VIM: variants seen among roughly 807,000 people sequenced by gnomAD.
VIM encodes the protein epididymis secretory sperm binding protein.
A neutral mutation model predicts 50.3 loss-of-function variants in VIM; 18 were observed. The observed-to-expected ratio is 0.36, with a 90% confidence interval of 0.25 to 0.53. The LOEUF (loss-of-function observed/expected upper bound fraction) is 0.53. Among genes scored for constraint, VIM ranks in the 20% least tolerant of loss-of-function variants. VIM has a pLI of 0.91. For synonymous variants in VIM, 245 were observed against 248.5 expected, an observed-to-expected ratio of 0.99 and a Z score of 0.13; for missense variants, 551 against 614.7, an observed-to-expected ratio of 0.90 and a Z score of 1.10.
chr10:17,234,869 G>T, intron 6 of VIM, 51 bp downstream of exon 6: 1 of 1,613,112 alleles, frequency 6.2e-7, no homozygotes. Flanking sequence ...CCATTCTGCT[G>T]ACTAGGCTCA....
chr10:17,234,544 T>A, intron 5 of VIM, 149 bp from the exon 6 acceptor site: 1 of 1,101,042 alleles, frequency 9.1e-7, no homozygotes, highest in African/African-American at 1.5e-5. Flanking sequence ...AATACTAATG[T>A]CAGTACTCCA....
rs1846735623 is a variant in VIM at position 17,229,322 on chromosome 10, G to C, written c.-101G>C. ...AGGTCCCCGCGCCAGAGACGCAGCC[G>C]CGCTCCCACCACCCACACCCACCGC... On this transcript the variant is annotated 5_prime_UTR_variant, in exon 2 of 10. Transcript: ENST00000544301. The C allele has an allele frequency of 2.4e-6, 3 of 1,265,814 alleles. No individual in the cohort carries two copies. The highest frequency in any genetic ancestry group is 1.5e-5 in the African/African-American group (1 of 67,130). The allele number at this position is 1,265,814 out of a possible 1,614,324, so 78.4% of individuals were successfully genotyped here.
chr10:17,234,993 CTTGCCTATATCA>C (rs1346591173), intron 6 of VIM, 164 bp from the exon 7 acceptor site: 49 of 1,199,372 alleles, frequency 4.1e-5, no homozygotes, highest in Non-Finnish European at 5.6e-5. Flanking sequence ...AAGGTTTTAG[CTTGCCTATATCA>C]TTGCTTCTAA....
Position 17,230,659 on chromosome 10 carries a change from G to A in VIM, c.573G>A (p.Glu191=). Reference sequence around the variant, plus strand: ...TGCGCAACTGTTTCAGATTGCAGGAGGAGATGCTTCAGAGAGAGGAAGCCG... The same window carrying A: ...TGCGCAACTGTTTCAGATTGCAGGAAGAGATGCTTCAGAGAGAGGAAGCCG... ...DIMRLREKLQ[E]EMLQREEAEN... The change falls in exon 3 of 10, where the codon GAG becomes GAA. Residue 191 remains glutamate (E), a synonymous_variant. Coordinates refer to ENST00000544301, the MANE Select transcript of VIM (RefSeq NM_003380.5). 1.2e-6 allele frequency: 2 copies of A among 1,614,164 alleles called. No individual in the cohort carries two copies. The highest frequency in any genetic ancestry group is 1.3e-5 in the African/African-American group (1 of 75,074).
chr10:17,235,989 A>C, intron 8 of VIM, 100 bp downstream of exon 8: 1 of 1,293,162 alleles, frequency 7.7e-7, no homozygotes, highest in Non-Finnish European at 1.1e-6. Context: ...AAAAAATGCC[A>C]TATAAGAGAA....
chr10:17,232,465 G>A (rs532719420), intron 3 of VIM, among the ~76,000 whole-genome samples: 23 of 152,318 alleles, frequency 1.5e-4, no homozygotes, highest in Middle Eastern at 3.4e-3. Flanking sequence ...AATCCTTTAT[G>A]TAGTTTCATT....
At chr10:17,235,729 T>G in intron 7 of VIM, 117 bp from the exon 8 acceptor site, 1 of 999,620 alleles carries the variant, frequency 1.0e-6, no homozygotes, top group Admixed American at 1.9e-5. Context: ...AATCTCTAGT[T>G]TATGATTTAA....
intron 9 of VIM, 75 bp downstream of exon 9, chr10:17,236,454 TC>T: frequency 2.5e-6 from 3 of 1,223,870 alleles, no homozygotes; most frequent in Non-Finnish European, 3.6e-6. Context: ...TGAATCTGAA[TC>T]TCAGATACAG....
chr10:17,233,768 A>G lies in VIM; in HGVS notation c.721-2A>G, dbSNP rs1272192480. 6.2e-7 allele frequency: 1 copy of G among 1,614,210 alleles called. No homozygotes were observed. Among genetic ancestry groups the G allele is most frequent in the Non-Finnish European group, 8.5e-7 (1 of 1,180,040 alleles). On this transcript the variant is annotated splice_acceptor_variant, in intron 4 of 9. Coordinates refer to ENST00000544301, the MANE Select transcript of VIM (RefSeq NM_003380.5). LOFTEE classifies it high-confidence loss of function. ...CTGACCGTCTGTCTGTTCTTTTTGCAGGAAATCCAGGAGCTGCAGGCTCAG... is the reference window on the plus strand; with the variant it reads ...CTGACCGTCTGTCTGTTCTTTTTGCGGGAAATCCAGGAGCTGCAGGCTCAG...
intron 2 of VIM, chr10:17,230,211 A>AGG (rs1230754677): frequency 3.3e-6 from 2 of 612,452 alleles, no homozygotes; most frequent in Non-Finnish European, 5.7e-6. Context: ...ACATTGCCCA[A>AGG]GGACGCTCCG....
Position 17,235,835 on chromosome 10 carries a change from T to C in VIM, c.1230-11T>C, listed in dbSNP as rs1292868611. ...CCAACAATTTTACTGTTTCTCTTCA[T>C]CTGTTTATAGGATTTCTCTGCCTCT... On this transcript the variant is annotated splice_polypyrimidine_tract_variant and intron_variant, in intron 7 of 9. Transcript: ENST00000544301. 15 of 1,613,414 alleles carry C rather than the reference T, an allele frequency of 9.3e-6. No individual in the cohort carries two copies. Among genetic ancestry groups the C allele is most frequent in the African/African-American group, 2.7e-5 (2 of 74,942 alleles).
chr10:17,231,335 A>G (rs1846793756), intron 3 of VIM, among the ~76,000 whole-genome samples: 1 of 145,460 alleles, frequency 6.9e-6, no homozygotes, highest in Non-Finnish European at 1.6e-5. Flanking sequence ...ACTATGCACA[A>G]CTATTTTGTG....
rs1564372335 is a variant in VIM, at chr10:17,229,647, C to T, written c.225C>T (p.Pro75=). The T allele has an allele frequency of 1.3e-6, 2 of 1,567,152 alleles. No homozygotes were observed. Among genetic ancestry groups the T allele is most frequent in the Non-Finnish European group, 8.6e-7 (1 of 1,156,090 alleles). Residue 75 remains proline (P), a synonymous_variant, in exon 2 of 10, where the codon CCC becomes CCT. Coordinates refer to ENST00000544301, the MANE Select transcript of VIM (RefSeq NM_003380.5). Reference sequence around the variant, plus strand: ...CCGTGCGCCTGCGGAGCAGCGTGCCCGGGGTGCGGCTCCTGCAGGACTCGG... The same window carrying T: ...CCGTGCGCCTGCGGAGCAGCGTGCCTGGGGTGCGGCTCCTGCAGGACTCGG... ...SSAVRLRSSV[P]GVRLLQDSVD... is the part of the protein sequence containing the mutation.
At position 17,233,304 on chromosome 10, in the gene VIM, G is replaced by T. The variant is rs141844825; in HGVS notation, c.625-283G>T. ...AATGTGGATTCAGTCATGATTGAGT[G>T]CAGTTTACCATGTGTGTGGACATTT... On this transcript the variant is annotated intron_variant, in intron 3 of 9. Coordinates refer to ENST00000544301, the MANE Select transcript of VIM (RefSeq NM_003380.5). 19 of 412,976 alleles carry T rather than the reference G, an allele frequency of 4.6e-5. No individual in the cohort carries two copies. In the Admixed American group the frequency reaches 6.3e-4, roughly 14 times the overall value. 25.6% of individuals were successfully genotyped at this position (412,976 alleles called of 1,614,324 possible). A position where few individuals can be genotyped will look rare whatever the true frequency, so the allele number is the denominator to read the frequency against.
In VIM at chr10:17,235,192, G is replaced by A. The variant is rs769833820; in HGVS notation, c.1032G>A (p.Met344Ile). The change falls in exon 7 of 10, where the codon ATG (methionine) becomes ATA (isoleucine). Residue 344 changes from methionine (M) to isoleucine (I), a missense_variant. By Grantham distance (10) the Met-to-Ile change is conservative. Coordinates refer to ENST00000544301, the MANE Select transcript of VIM (RefSeq NM_003380.5). ...KGTNESLERQ[M>I]REMEENFAVE... ...AGAATGAGTCCCTGGAACGCCAGATGCGTGAAATGGAAGAGAACTTTGCCG... is the reference window on the plus strand; with the variant it reads ...AGAATGAGTCCCTGGAACGCCAGATACGTGAAATGGAAGAGAACTTTGCCG... The A allele has an allele frequency of 2.5e-6, 4 of 1,614,246 alleles. No individual in the cohort carries two copies. Among genetic ancestry groups the A allele is most frequent in the Non-Finnish European group, 3.4e-6 (4 of 1,180,036 alleles).
intron 2 of VIM, chr10:17,230,335 C>T (rs1327936055): frequency 5.3e-6 from 3 of 569,092 alleles, no homozygotes; most frequent in Non-Finnish European, 9.5e-6. Context: ...TTCTGGCAGG[C>T]TGCCAATCAC....
intron 4 of VIM, 29 bp downstream of exon 4, chr10:17,233,711 T>A: frequency 6.2e-7 from 1 of 1,614,168 alleles, no homozygotes; most frequent in Non-Finnish European, 8.5e-7. Context: ...GGGGAATGAA[T>A]GAGGGTAAGG....
At position 17,236,046 on chromosome 10, in the gene VIM, A is replaced by T. The variant is rs188820708; in HGVS notation, c.1273+157A>T. On this transcript the variant is annotated intron_variant, in intron 8 of 9. Transcript: ENST00000544301. ...TTTTCGAACCCAAGTACACTCTTGC[A>T]TTCTATGCTTTAAGTTAAATGCAAA... is the stretch of plus-strand genomic sequence containing the variant. The T allele has an allele frequency of 1.9e-5, 15 of 804,228 alleles. No individual in the cohort carries two copies. The Admixed American group carries it at 3.4e-4, about 18-fold the overall frequency. The allele number at this position is 804,228 out of a possible 1,614,324, so 49.8% of individuals were successfully genotyped here.
chr10:17,236,676 C>T (rs962642195), intron 9 of VIM, among the ~76,000 whole-genome samples: 1 of 152,188 alleles, frequency 6.6e-6, no homozygotes, highest in Non-Finnish European at 1.5e-5. Context: ...AAAGCAGCTA[C>T]ATGAAACAGC....
Sources: allele counts gnomAD v4.1 joint callset (sites outside exome capture counted in the v4.1 genomes callset), GRCh38; gene constraint gnomAD v4.1.1; transcripts MANE v1.5; gene names NCBI Gene and HGNC (gene_info 2026-07-23, HGNC 2026-07-21).